The following PID1 variants were observed in gnomAD, a reference collection of about 807,000 sequenced individuals.
The protein encoded by PID1 is phosphotyrosine interaction domain containing 1.
Under a neutral mutation model 19.1 loss-of-function variants are expected in PID1, and 10 were observed. The observed-to-expected ratio is 0.52, with a 90% CI of 0.32 to 0.89. PID1 has a LOEUF of 0.89. Ranked by LOEUF, PID1 falls within the 40% of genes least tolerant of loss-of-function variation. The pLI, the probability that PID1 is intolerant of heterozygous loss-of-function variation, is 0.03. For missense variants in PID1, 248 were observed against 285.3 expected, an observed-to-expected ratio of 0.87 and a Z score of 0.94; for synonymous variants, 130 against 116.0, an observed-to-expected ratio of 1.12 and a Z score of -0.78.
In PID1 at chr2:229,221,678, G is replaced by A. The variant is rs541813156; in HGVS notation, c.30+49336C>T. 1.1e-4 allele frequency among the ~76,000 whole-genome samples: 16 copies of A among 152,168 alleles called. No homozygotes were observed. In the South Asian group the frequency reaches 3.3e-3, roughly 32 times the overall value. Reference sequence around the variant, plus strand: ...TACGGCCACAGATAATCATGCTCAAGTTCCACCACCATTCCCTCTCTCCCA... The same window carrying A: ...TACGGCCACAGATAATCATGCTCAAATTCCACCACCATTCCCTCTCTCCCA... On this transcript the variant is annotated intron_variant, in intron 1 of 2. Transcript: ENST00000392055.
At chr2:229,105,203 T>C (rs1480386603) in intron 2 of PID1, among the ~76,000 whole-genome samples, 1 of 152,206 alleles carries the variant, frequency 6.6e-6, no homozygotes, top group Non-Finnish European at 1.5e-5. Flanking sequence ...GGAAGGAATT[T>C]CCATGAGCCA....
intron 1 of PID1, among the ~76,000 whole-genome samples, chr2:229,251,399 A>C (rs1690146657): frequency 6.6e-6 from 1 of 152,182 alleles, no homozygotes; most frequent in Non-Finnish European, 1.5e-5. Context: ...ATCAATACTA[A>C]AAGCACTGTA....
Position 229,139,057 on chromosome 2 carries a change from G to GAAAGAA in PID1, c.177+16760_177+16761insTTCTTT, listed in dbSNP as rs1553565723. Among the ~76,000 whole-genome samples, 17 of 45,622 alleles carry GAAAGAA rather than the reference G, an allele frequency of 3.7e-4. 2 individuals are homozygous for GAAAGAA. Among genetic ancestry groups the GAAAGAA allele is most frequent in the Non-Finnish European group, 7.1e-4 (16 of 22,632 alleles). 29.9% of individuals were successfully genotyped at this position (45,622 alleles called of 152,430 possible). A position where few individuals can be genotyped will look rare whatever the true frequency, so the allele number is the denominator to read the frequency against. On this transcript the variant is annotated intron_variant, in intron 2 of 2. Transcript: ENST00000392055. ...AAAGAAAGAGAAAGAAAGAAAGAAA[G>GAAAGAA]AGAAAGAAAGAAAGAAAGAAAGAAA...
chr2:229,239,105 G>C (rs188663822), intron 1 of PID1, among the ~76,000 whole-genome samples: 71 of 151,900 alleles, frequency 4.7e-4, no homozygotes, highest in African/African-American at 1.6e-3. Context: ...TCTTACTATA[G>C]AGAACAAGTT....
At chr2:229,235,496 T>G (rs1242193410) in intron 1 of PID1, among the ~76,000 whole-genome samples, 12 of 23,118 alleles carry the variant, frequency 5.2e-4, no homozygotes, top group East Asian at 4.8e-4. Flanking sequence ...TGTTTATGTG[T>G]TTTTTTTTTC....
chr2:229,101,884 G>A (rs1695081575), intron 2 of PID1, among the ~76,000 whole-genome samples: 1 of 152,120 alleles, frequency 6.6e-6, no homozygotes, highest in South Asian at 2.1e-4. Flanking sequence ...TTACAGGGAA[G>A]TTAACATAGG....
At chr2:229,100,428 A>T (rs1202564469) in intron 2 of PID1, among the ~76,000 whole-genome samples, 2 of 152,342 alleles carry the variant, frequency 1.3e-5, no homozygotes, top group East Asian at 3.9e-4. Flanking sequence ...AAAGGAAATT[A>T]TGACTCCCTA....
chr2:229,030,290 T>G (rs1471476290), intron 2 of PID1, among the ~76,000 whole-genome samples: 1 of 152,142 alleles, frequency 6.6e-6, no homozygotes, highest in Non-Finnish European at 1.5e-5. Context: ...GTTCAATGGG[T>G]GCAGAGTTTC....
In PID1 at chr2:229,212,860, C is replaced by G. The variant is rs558925726; in HGVS notation, c.31-56896G>C. Reference sequence around the variant, plus strand: ...GGAGCTCCCACCCCCAGATTCCAGCCATTCTCCTGTCCCACACGTCCCGGC... The same window carrying G: ...GGAGCTCCCACCCCCAGATTCCAGCGATTCTCCTGTCCCACACGTCCCGGC... On this transcript the variant is annotated intron_variant, in intron 1 of 2. Transcript: ENST00000392055. Among the ~76,000 whole-genome samples, 4 of 152,200 alleles carry G rather than the reference C, an allele frequency of 2.6e-5. No homozygotes were observed. The South Asian group carries it at 8.3e-4, about 32-fold the overall frequency.
At chr2:229,095,446 A>C (rs1035578477) in intron 2 of PID1, among the ~76,000 whole-genome samples, 1 of 152,102 alleles carries the variant, frequency 6.6e-6, no homozygotes, top group African/African-American at 2.4e-5. Flanking sequence ...TTATTGCACA[A>C]ATTTGGAGTA....
At chr2:229,103,055 A>C (rs1695105189) in intron 2 of PID1, among the ~76,000 whole-genome samples, 1 of 152,242 alleles carries the variant, frequency 6.6e-6, no homozygotes, top group South Asian at 2.1e-4. Flanking sequence ...AAATATTAAC[A>C]GAGCTTAACC....
chr2:229,141,485 G>C (rs10188225), intron 2 of PID1, among the ~76,000 whole-genome samples: 59,396 of 151,674 alleles, frequency 0.39, 11,748 homozygotes, highest in South Asian at 0.57. Flanking sequence ...ACCACCTCAT[G>C]AATAGACTAA....
intron 1 of PID1, among the ~76,000 whole-genome samples, chr2:229,199,311 CTATAT>C (rs1483083500): frequency 6.6e-6 from 1 of 151,972 alleles, no homozygotes; most frequent in African/African-American, 2.4e-5. Context: ...TGTTGTTATA[CTATAT>C]TATATTACGT....
At position 229,171,684 on chromosome 2, in the gene PID1, G is replaced by C. The variant is rs182234346; in HGVS notation, c.31-15720C>G. Among the ~76,000 whole-genome samples, 244 of 152,278 alleles carry C rather than the reference G, an allele frequency of 1.6e-3. 2 individuals carry two copies. Among genetic ancestry groups the C allele is most frequent in the Middle Eastern group, 6.8e-3 (2 of 294 alleles). On this transcript the variant is annotated intron_variant, in intron 1 of 2. Coordinates refer to ENST00000392055, the MANE Select transcript of PID1 (RefSeq NM_001100818.2). The stretch of plus-strand genomic sequence containing the variant: ...CCTACGAAATGTCTGGCACATAGTA[G>C]CTCCTAAATGTATATTTGATTAATA...
intron 2 of PID1, among the ~76,000 whole-genome samples, chr2:229,103,571 ATTTTTTTT>A (rs60510809): frequency 2.6e-5 from 2 of 76,214 alleles, no homozygotes; most frequent in East Asian, 3.8e-4. Flanking sequence ...ATATGCTGGA[ATTTTTTTT>A]TTTTTTTTTT....
intron 2 of PID1, among the ~76,000 whole-genome samples, chr2:229,097,310 C>T (rs2106224613): frequency 6.6e-6 from 1 of 152,264 alleles, no homozygotes. Flanking sequence ...GAATGCTGAG[C>T]TTTGAATGCA....
chr2:229,054,325 G>A (rs575710829), intron 2 of PID1, among the ~76,000 whole-genome samples: 113 of 152,280 alleles, frequency 7.4e-4, no homozygotes, highest in African/African-American at 2.6e-3. Flanking sequence ...GGAGAAGCCC[G>A]TCTGACTGGA....
chr2:229,119,692 G>A (rs146639000), intron 2 of PID1, among the ~76,000 whole-genome samples: 2 of 152,302 alleles, frequency 1.3e-5, no homozygotes, highest in East Asian at 1.9e-4. Flanking sequence ...TATGTGTCAA[G>A]TTGACTAAGC....
At chr2:229,185,784 G>C (rs1691117012) in intron 1 of PID1, among the ~76,000 whole-genome samples, 1 of 152,104 alleles carries the variant, frequency 6.6e-6, no homozygotes, top group Non-Finnish European at 1.5e-5. Context: ...ATTTTGGGTG[G>C]GGACATAGCC....
Sources: allele counts gnomAD v4.1 joint callset (sites outside exome capture counted in the v4.1 genomes callset), GRCh38; gene constraint gnomAD v4.1.1; transcripts MANE v1.5; gene names NCBI Gene and HGNC (gene_info 2026-07-23, HGNC 2026-07-21).